The following AUTS2 variants were observed in gnomAD, a reference collection of about 807,000 sequenced individuals.
AUTS2 encodes activator of transcription and developmental regulator AUTS2, also known as autism susceptibility gene 2 protein.
AUTS2 carries 17 observed loss-of-function variants against 112.4 expected under a neutral mutation model. The ratio of observed to expected loss-of-function variants is 0.15; its 90% CI spans 0.10 to 0.23. AUTS2 has a LOEUF of 0.23. Among genes scored for constraint, AUTS2 ranks in the 10% least tolerant of loss-of-function variants. The pLI is 1.00. For synonymous variants in AUTS2, 751 were observed against 702.7 expected, an observed-to-expected ratio of 1.07 and a Z score of -1.09; for missense variants, 1,510 against 1,701.6, an observed-to-expected ratio of 0.89 and a Z score of 1.98.
intron 2 of AUTS2, among the ~76,000 whole-genome samples, chr7:69,941,066 A>C (rs986673660): frequency 6.6e-6 from 1 of 152,222 alleles, no homozygotes; most frequent in Admixed American, 6.5e-5. Flanking sequence ...GAGAATACAC[A>C]TGCACGCAAG....
intron 4 of AUTS2, among the ~76,000 whole-genome samples, chr7:70,211,855 G>A (rs1008771928): frequency 1.3e-5 from 2 of 151,344 alleles, no homozygotes; most frequent in Admixed American, 6.6e-5. Context: ...GCGTGATGGC[G>A]GGCGTCTGTA....
At chr7:70,072,584 A>T (rs1802826886) in intron 2 of AUTS2, among the ~76,000 whole-genome samples, 1 of 152,208 alleles carries the variant, frequency 6.6e-6, no homozygotes, top group South Asian at 2.1e-4. Context: ...ATGATTCTAA[A>T]AAAACAGTAG....
At chr7:69,726,704 C>T (rs541378346) in intron 1 of AUTS2, among the ~76,000 whole-genome samples, 1 of 152,260 alleles carries the variant, frequency 6.6e-6, no homozygotes, top group African/African-American at 2.4e-5. Flanking sequence ...TACTGTCAAA[C>T]ATTTGGTATG....
At chr7:70,119,590 C>T (rs865787230) in intron 3 of AUTS2, 59 of 151,804 alleles carry the variant, frequency 3.9e-4, no homozygotes, top group African/African-American at 1.4e-3. Flanking sequence ...GTCTTGAACT[C>T]CTGACTTCGT....
intron 5 of AUTS2, among the ~76,000 whole-genome samples, chr7:70,508,903 C>CTTCCTTGCT (rs1799075958): frequency 6.6e-6 from 1 of 152,188 alleles, no homozygotes; most frequent in South Asian, 2.1e-4. Context: ...GAGTTTGAGT[C>CTTCCTTGCT]TTATTCAGAA....
At chr7:69,797,925 T>C (rs114790713) in intron 1 of AUTS2, among the ~76,000 whole-genome samples, 4,998 of 152,238 alleles carry the variant, frequency 0.033, 263 homozygotes, top group African/African-American at 0.11. Flanking sequence ...GGAAGGAGAC[T>C]TGTATAGTGA....
At chr7:70,249,226 G>T (rs1813084775) in intron 4 of AUTS2, among the ~76,000 whole-genome samples, 1 of 151,964 alleles carries the variant, frequency 6.6e-6, no homozygotes, top group Non-Finnish European at 1.5e-5. Context: ...GGTGCATTTA[G>T]GTTGAAATTA....
intron 2 of AUTS2, among the ~76,000 whole-genome samples, chr7:70,055,430 A>G (rs768314376): frequency 2.0e-5 from 3 of 152,066 alleles, no homozygotes; most frequent in African/African-American, 4.8e-5. Flanking sequence ...GCAAAACTCC[A>G]TCTCAAAAAA....
intron 5 of AUTS2, among the ~76,000 whole-genome samples, chr7:70,507,988 G>A (rs1799036461): frequency 6.6e-6 from 1 of 152,086 alleles, no homozygotes; most frequent in South Asian, 2.1e-4. Context: ...TTTGTTCATA[G>A]CCCAATGGTG....
At chr7:70,364,934 A>G (rs150309040) in intron 4 of AUTS2, among the ~76,000 whole-genome samples, 74 of 152,326 alleles carry the variant, frequency 4.9e-4, no homozygotes, top group African/African-American at 1.6e-3. Flanking sequence ...GCTGGCACAT[A>G]TCTCTCAGCA....
intron 4 of AUTS2, chr7:70,292,686 G>T (rs1361683981): frequency 6.6e-6 from 1 of 152,100 alleles, no homozygotes; most frequent in Non-Finnish European, 1.5e-5. Flanking sequence ...TTTTTCTTTA[G>T]TTGTGATTGT....
intron 2 of AUTS2, among the ~76,000 whole-genome samples, chr7:70,071,498 T>A (rs536208958): frequency 6.6e-6 from 1 of 152,306 alleles, no homozygotes; most frequent in South Asian, 2.1e-4. Flanking sequence ...CTCCCACAGA[T>A]GGCACAGAGA....
At chr7:70,743,157 G>A (rs1229419300) in intron 6 of AUTS2, among the ~76,000 whole-genome samples, 2 of 152,062 alleles carry the variant, frequency 1.3e-5, no homozygotes, top group East Asian at 3.9e-4. Context: ...GCTTCCCCTT[G>A]TTTTATTTTT....
intron 5 of AUTS2, among the ~76,000 whole-genome samples, chr7:70,649,504 A>AT (rs1450263405): frequency 7.0e-6 from 1 of 143,764 alleles, no homozygotes; most frequent in African/African-American, 2.6e-5. Context: ...GATTTATTTT[A>AT]TTTATTTATT....
At chr7:69,648,468 A>C (rs1319981244) in intron 1 of AUTS2, among the ~76,000 whole-genome samples, 1 of 150,238 alleles carries the variant, frequency 6.7e-6, no homozygotes, top group Non-Finnish European at 1.5e-5. Flanking sequence ...AAAAAAAAAA[A>C]CTCCACGTGC....
intron 2 of AUTS2, among the ~76,000 whole-genome samples, chr7:70,090,050 AAATAAT>A (rs1204053119): frequency 1.3e-5 from 2 of 149,820 alleles, no homozygotes; most frequent in Non-Finnish European, 3.0e-5. Flanking sequence ...ATAAATTTAA[AAATAAT>A]AATAAAATAA....
At chr7:70,614,260 A>G (rs982648100) in intron 5 of AUTS2, among the ~76,000 whole-genome samples, 11 of 152,136 alleles carry the variant, frequency 7.2e-5, no homozygotes, top group Admixed American at 2.0e-4. Context: ...AGTCTAATGA[A>G]CTGGTCTTAT....
At chr7:70,486,758 CAATT>C (rs1425220128) in intron 5 of AUTS2, among the ~76,000 whole-genome samples, 4 of 151,428 alleles carry the variant, frequency 2.6e-5, no homozygotes, top group Non-Finnish European at 1.5e-5. Context: ...GATTCCATCT[CAATT>C]AAAAAATAAG....
chr7:69,926,445 G>GTCTGTCTGTCTATCTATCTATCTA (rs796507485), intron 2 of AUTS2, among the ~76,000 whole-genome samples: 1 of 123,132 alleles, frequency 8.1e-6, no homozygotes, highest in African/African-American at 3.3e-5. Context: ...CTGTCTGTCT[G>GTCTGTCTGTCTATCTATCTATCTA]TCTATCTATC....
Sources: allele counts gnomAD v4.1 joint callset (sites outside exome capture counted in the v4.1 genomes callset), GRCh38; gene constraint gnomAD v4.1.1; transcripts MANE v1.5; gene names NCBI Gene and HGNC (gene_info 2026-07-23, HGNC 2026-07-21).